The following SLC30A8 variants were observed in gnomAD, a reference collection of about 807,000 sequenced individuals.
SLC30A8 encodes the protein solute carrier family 30 member 8.
A neutral mutation model predicts 36.9 loss-of-function variants in SLC30A8; 27 were observed. That is an observed-to-expected ratio of 0.73 (90% CI 0.54 to 1.01). The LOEUF is 1.01. SLC30A8 is among the 50% of genes least tolerant of loss of function. The pLI, the probability that SLC30A8 is intolerant of heterozygous loss-of-function variation, is 0.00. For missense variants in SLC30A8, 439 were observed against 452.0 expected (o/e 0.97, Z 0.26); for synonymous variants, 164 against 172.4 (o/e 0.95, Z 0.38).
intron 6 of SLC30A8, among the ~76,000 whole-genome samples, chr8:117,166,562 G>A (rs952936086): frequency 2.0e-5 from 3 of 152,100 alleles, no homozygotes; most frequent in Admixed American, 6.6e-5. Context: ...GGGAGTAGGA[G>A]GAGCAAGAAT....
rs1483988517 is a variant in SLC30A8, at chr8:117,173,401, T to C, written c.*720T>C. On this transcript the variant is annotated 3_prime_UTR_variant, in exon 8 of 8. Coordinates refer to ENST00000456015, the MANE Select transcript of SLC30A8 (RefSeq NM_173851.3). ...TGGCACCAGCCAAAGAATGTGGTTGTAGAGACCCAGAAGTCTTCAAGAACA... is the reference window on the plus strand; with the variant it reads ...TGGCACCAGCCAAAGAATGTGGTTGCAGAGACCCAGAAGTCTTCAAGAACA... 1 of 152,154 alleles carries C rather than the reference T, an allele frequency of 6.6e-6. No homozygotes were observed. The highest frequency in any genetic ancestry group is 1.5e-5 in the Non-Finnish European group (1 of 68,006). The allele number at this position is 152,154 out of a possible 1,614,324, so 9.4% of individuals were successfully genotyped here.
chr8:117,077,820 G>A (rs114556731), intron 2 of SLC30A8, among the ~76,000 whole-genome samples: 4,456 of 152,290 alleles, frequency 0.029, 145 homozygotes, highest in African/African-American at 0.085. Flanking sequence ...TTTCTAGAGC[G>A]AGTCAAAGAA....
At chr8:117,041,242 G>A (rs1332097295) in intron 2 of SLC30A8, among the ~76,000 whole-genome samples, 1 of 152,198 alleles carries the variant, frequency 6.6e-6, no homozygotes, top group East Asian at 1.9e-4. Flanking sequence ...ATTTTTAGTG[G>A]GGCTCAGATT....
At chr8:117,021,244 C>G (rs558797418) in intron 1 of SLC30A8, among the ~76,000 whole-genome samples, 21 of 152,286 alleles carry the variant, frequency 1.4e-4, no homozygotes, top group Admixed American at 2.0e-4. Flanking sequence ...TCTCTTTAAA[C>G]TTTTGAGGAT....
chr8:117,164,670 G>A (rs1244961406), intron 6 of SLC30A8, among the ~76,000 whole-genome samples: 4 of 152,200 alleles, frequency 2.6e-5, no homozygotes, highest in African/African-American at 9.6e-5. Flanking sequence ...CAGAAATGCA[G>A]TAGTGGGAAC....
At chr8:117,024,271 AT>A (rs1346108773) in intron 1 of SLC30A8, among the ~76,000 whole-genome samples, 1 of 152,292 alleles carries the variant, frequency 6.6e-6, no homozygotes, top group East Asian at 1.9e-4. Context: ...GTCTTTAGGT[AT>A]TTTTGTCATT....
At chr8:117,096,965 G>T (rs1819391344) in intron 2 of SLC30A8, among the ~76,000 whole-genome samples, 1 of 152,024 alleles carries the variant, frequency 6.6e-6, no homozygotes, top group Non-Finnish European at 1.5e-5. Context: ...AATGACCATA[G>T]CCCCTATCTT....
chr8:117,000,048 C>T (rs1815959417), intron 1 of SLC30A8, among the ~76,000 whole-genome samples: 1 of 152,286 alleles, frequency 6.6e-6, no homozygotes, highest in African/African-American at 2.4e-5. Flanking sequence ...CGTGCTTCCA[C>T]TTACAGTAGA....
intron 1 of SLC30A8, among the ~76,000 whole-genome samples, chr8:116,952,880 T>G (rs1212762149): frequency 6.7e-6 from 1 of 150,206 alleles, no homozygotes; most frequent in African/African-American, 2.5e-5. Context: ...ATAATGTCAA[T>G]TTTTATTTTA....
intron 2 of SLC30A8, among the ~76,000 whole-genome samples, chr8:117,107,438 T>C (rs1173339670): frequency 3.3e-5 from 5 of 152,174 alleles, no homozygotes; most frequent in Non-Finnish European, 7.4e-5. Flanking sequence ...TGAGAACGAT[T>C]AAGTAATATA....
chr8:116,959,517 T>A, intron 1 of SLC30A8, among the ~76,000 whole-genome samples: 1 of 152,232 alleles, frequency 6.6e-6, no homozygotes, highest in East Asian at 1.9e-4. Flanking sequence ...CCAGACATTA[T>A]AAATTTCACA....
At chr8:116,950,840 T>TA (rs1813970369), upstream of SLC30A8, 1 of 152,186 alleles carries the variant, frequency 6.6e-6, no homozygotes, top group Non-Finnish European at 1.5e-5. Context: ...CCAGGTACCT[T>TA]ACAGTTTACC....
At chr8:117,049,350 C>T (rs1202499078) in intron 2 of SLC30A8, among the ~76,000 whole-genome samples, 1 of 152,232 alleles carries the variant, frequency 6.6e-6, no homozygotes, top group Non-Finnish European at 1.5e-5. Context: ...TACAGAAACA[C>T]ATGAAGAGAT....
intron 1 of SLC30A8, among the ~76,000 whole-genome samples, chr8:117,001,540 C>T (rs1816011464): frequency 6.6e-6 from 1 of 152,078 alleles, no homozygotes; most frequent in African/African-American, 2.4e-5. Flanking sequence ...TGCAACATGC[C>T]AAATGGCTGA....
chr8:117,042,992 A>G (rs1201732858), intron 2 of SLC30A8, among the ~76,000 whole-genome samples: 1 of 152,240 alleles, frequency 6.6e-6, no homozygotes, highest in South Asian at 2.1e-4. Context: ...AGTACTATTC[A>G]TCTGTCAATT....
At chr8:117,018,714 T>G (rs2317755) in intron 1 of SLC30A8, among the ~76,000 whole-genome samples, 63,389 of 142,356 alleles carry the variant, frequency 0.45, 14,423 homozygotes, top group East Asian at 0.58. Context: ...TTGCCCAGGC[T>G]GGAGTGCAGT....
chr8:116,961,888 C>T (rs185065347), intron 1 of SLC30A8, among the ~76,000 whole-genome samples: 1 of 152,000 alleles, frequency 6.6e-6, no homozygotes, highest in East Asian at 1.9e-4. Context: ...GGTATTAATC[C>T]ATGCATGAGG....
chr8:116,989,563 AC>A (rs1383301427), intron 1 of SLC30A8, among the ~76,000 whole-genome samples: 2 of 152,200 alleles, frequency 1.3e-5, no homozygotes, highest in Non-Finnish European at 2.9e-5. Flanking sequence ...TTTATTATTT[AC>A]CTAAATTGTT....
At chr8:117,077,070 C>G (rs755712415) in intron 2 of SLC30A8, among the ~76,000 whole-genome samples, 1 of 152,102 alleles carries the variant, frequency 6.6e-6, no homozygotes, top group Non-Finnish European at 1.5e-5. Flanking sequence ...AAGTTATTAG[C>G]AAATGTAGCT....
Sources: allele counts gnomAD v4.1 joint callset (sites outside exome capture counted in the v4.1 genomes callset), GRCh38; gene constraint gnomAD v4.1.1; transcripts MANE v1.5; gene names NCBI Gene and HGNC (gene_info 2026-07-23, HGNC 2026-07-21).